ZNF266: variants seen among roughly 807,000 people sequenced by gnomAD.
The protein encoded by ZNF266 is zinc finger protein 266.
In ZNF266, 16 loss-of-function variants were observed where a neutral mutation model predicts 16.4. The ratio of observed to expected loss-of-function variants is 0.98; its 90% CI spans 0.66 to 1.48. The LOEUF (loss-of-function observed/expected upper bound fraction) is 1.48, where lower values mean the gene tolerates loss of function less well. ZNF266 is among the 40% of genes most tolerant of loss of function. The pLI is 0.00. For missense variants in ZNF266, 738 were observed against 689.1 expected (o/e 1.07, Z -0.79); for synonymous variants, 262 against 237.9 (o/e 1.10, Z -0.93).
intron 5 of ZNF266, among the ~76,000 whole-genome samples, chr19:9,428,199 G>A (rs909724517): frequency 2.0e-5 from 3 of 152,280 alleles, no homozygotes; most frequent in African/African-American, 7.2e-5. Flanking sequence ...TCACAGACCT[G>A]AGCCTGTGAT....
chr19:9,430,232 T>C (rs2123432396), intron 5 of ZNF266, among the ~76,000 whole-genome samples: 1 of 152,272 alleles, frequency 6.6e-6, no homozygotes, highest in East Asian at 1.9e-4. Context: ...TCAACTGCCT[T>C]CGTTCTCGCT....
In ZNF266 at chr19:9,416,068, C is replaced by T. The variant is rs142228138; in HGVS notation, c.317-326G>A. ...CAAACTCCTGACCTCGTGATCCACA[C>T]GCCTCAGCCCCTCAAAGTGCTGGGA... On this transcript the variant is annotated intron_variant, in intron 9 of 10. Transcript: ENST00000592904. Among the ~76,000 whole-genome samples the T allele has an allele frequency of 3.9e-3, 587 of 152,266 alleles. 4 individuals are homozygous for T. Among genetic ancestry groups the T allele is most frequent in the African/African-American group, 0.013 (544 of 41,534 alleles).
In ZNF266 at chr19:9,414,038, TA is replaced by T. The variant is rs1463533246; in HGVS notation, c.1087del (p.Tyr363MetfsTer8). The T allele has an allele frequency of 1.9e-6, 3 of 1,614,036 alleles. No individual in the cohort carries two copies. The highest frequency in any genetic ancestry group is 2.7e-5 in the African/African-American group (2 of 74,936). ...GGCTATCCCACATTCCTTGCATTCA[TA>T]AGGCTTCTCACCCACATGGATTTTC... Reference protein sequence around the residue: ...HMKIHVGEKPYECKECGIAFT... With the variant: ...HMKIHVGEKPXECKECGIAFT... On this transcript the variant is annotated frameshift_variant, in exon 11 of 11. Coordinates refer to ENST00000592904, the MANE Select transcript of ZNF266 (RefSeq NM_001370374.1). LOFTEE classifies it low-confidence loss of function (END_TRUNC).
intron 5 of ZNF266, among the ~76,000 whole-genome samples, chr19:9,421,222 T>A (rs1304400336): frequency 6.6e-6 from 1 of 152,132 alleles, no homozygotes; most frequent in Non-Finnish European, 1.5e-5. Flanking sequence ...CAGCCTTTAT[T>A]CTATGAATGA....
intron 3 of ZNF266, among the ~76,000 whole-genome samples, chr19:9,434,476 A>T (rs2072144473): frequency 6.6e-6 from 1 of 152,218 alleles, no homozygotes; most frequent in Admixed American, 6.5e-5. Flanking sequence ...CACAGAATAC[A>T]ATCAGAACTA....
chr19:9,414,101 C>T lies in ZNF266; in HGVS notation c.1025G>A (p.Arg342Lys). Residue 342 changes from arginine to lysine, a missense_variant, in exon 11 of 11, where the codon AGA (arginine) becomes AAA (lysine). Physicochemically the swap from Arg to Lys is conservative, Grantham distance 26. Transcript: ENST00000592904. ...EKPYKCKDCG[R>K]AFTVSSCLSQ... ...TAAGCAAGAGGAAACAGTGAAGGCTCTCCCACAATCCTTACATTTATAAGG... is the reference window on the plus strand; with the variant it reads ...TAAGCAAGAGGAAACAGTGAAGGCTTTCCCACAATCCTTACATTTATAAGG... 1 of 1,612,638 alleles carries T rather than the reference C, an allele frequency of 6.2e-7. No individual in the cohort carries two copies. Among genetic ancestry groups the T allele is most frequent in the Non-Finnish European group, 8.5e-7 (1 of 1,179,564 alleles).
intron 5 of ZNF266, among the ~76,000 whole-genome samples, chr19:9,421,793 A>G (rs1384752723): frequency 6.6e-6 from 1 of 152,082 alleles, no homozygotes; most frequent in African/African-American, 2.4e-5. Context: ...TTGTAACAAC[A>G]TTACTGGGTA....
At chr19:9,433,453 AAAAACAACGAGAGAAG>A (rs1454994881) in intron 5 of ZNF266, among the ~76,000 whole-genome samples, 199 bp downstream of exon 5, 2 of 152,236 alleles carry the variant, frequency 1.3e-5, no homozygotes, top group African/African-American at 2.4e-5. Context: ...GTGAATTGAA[AAAAACAACGAGAGAAG>A]TTTTGTCTGT....
chr19:9,417,916 CAAAG>C lies in ZNF266; in HGVS notation c.236-12_236-9del. Reference sequence around the variant, plus strand: ...GTTTGAAGAGCTGATATCCTGTGCACAAAGAAAGATACATTACCAGAAGAGGCTC... The same window carrying C: ...GTTTGAAGAGCTGATATCCTGTGCACAAAGATACATTACCAGAAGAGGCTC... On this transcript the variant is annotated splice_polypyrimidine_tract_variant and intron_variant, in intron 8 of 10. Coordinates refer to ENST00000592904, the MANE Select transcript of ZNF266 (RefSeq NM_001370374.1). 1.2e-6 allele frequency: 2 copies of C among 1,613,448 alleles called. No homozygotes were observed. Among genetic ancestry groups the C allele is most frequent in the Non-Finnish European group, 1.7e-6 (2 of 1,179,568 alleles).
intron 5 of ZNF266, among the ~76,000 whole-genome samples, chr19:9,423,721 C>T (rs771585983): frequency 7.2e-5 from 11 of 152,180 alleles, no homozygotes; most frequent in Admixed American, 3.3e-4. Context: ...GTAGGCCAGG[C>T]GCGGTGGCTC....
In ZNF266 at chr19:9,413,841, T is replaced by G; in HGVS notation, c.1285A>C (p.Thr429Pro). Residue 429 changes from threonine to proline, a missense_variant, in exon 11 of 11, where the codon ACT (threonine) becomes CCT (proline). Physicochemically the swap from Thr to Pro is conservative, Grantham distance 38. Transcript: ENST00000592904. ...TGCTTAGTAAGGTCTGAGTTCTGAGTGAAGGCTTTCCCACAATCCTTACAT... is the reference window on the plus strand; with the variant it reads ...TGCTTAGTAAGGTCTGAGTTCTGAGGGAAGGCTTTCCCACAATCCTTACAT... ...YKCKDCGKAF[T>P]QNSDLTKHAR... The G allele has an allele frequency of 6.2e-7, 1 of 1,614,116 alleles. No homozygotes were observed. The highest frequency in any genetic ancestry group is 8.5e-7 in the Non-Finnish European group (1 of 1,179,986).
At chr19:9,419,574 C>G (rs1331986535) in intron 6 of ZNF266, 2 of 152,254 alleles carry the variant, frequency 1.3e-5, no homozygotes, top group African/African-American at 4.8e-5. Flanking sequence ...AGACACAGCA[C>G]CTCTTCCCAA....
In ZNF266 at chr19:9,426,346, G is replaced by C. The variant is rs78891891; in HGVS notation, c.-129-6128C>G. Among the ~76,000 whole-genome samples, 398 of 152,182 alleles carry C rather than the reference G, an allele frequency of 2.6e-3. 2 individuals are homozygous for C. Among genetic ancestry groups the C allele is most frequent in the South Asian group, 0.011 (55 of 4,814 alleles). ...AGATTTTACTTAGAAGAAAAAAATA[G>C]AGGGAAAGAAACTGATTGTCTTGAG... On this transcript the variant is annotated intron_variant, in intron 5 of 10. Transcript: ENST00000592904.
In ZNF266 at chr19:9,414,275, C is replaced by A. The variant is rs1425595003; in HGVS notation, c.851G>T (p.Cys284Phe). The A allele has an allele frequency of 1.9e-6, 3 of 1,614,038 alleles. No homozygotes were observed. The highest frequency in any genetic ancestry group is 4.5e-5 in the East Asian group (2 of 44,890). Reference protein sequence around the residue: ...RSEKPYKCKECGKGFRYSAYL... With the variant: ...RSEKPYKCKEFGKGFRYSAYL... ...TGCAGAATATCTAAATCCTTTTCCA[C>A]ATTCCTTACATTTGTAGGGTTTTTC... The change falls in exon 11 of 11, where the codon TGT becomes TTT. Residue 284 changes from cysteine (C) to phenylalanine (F), a missense_variant. Transcript: ENST00000592904.
At chr19:9,432,791 A>ACTC (rs1555765026) in intron 5 of ZNF266, among the ~76,000 whole-genome samples, 1 of 151,444 alleles carries the variant, frequency 6.6e-6, no homozygotes, top group Non-Finnish European at 1.5e-5. Context: ...TGGTGGGTTA[A>ACTC]AACAAATAAA....
intron 6 of ZNF266, 165 bp downstream of exon 6, chr19:9,419,900 C>CAAAAAAAA (rs1218476753): frequency 1.3e-5 from 1 of 75,146 alleles, no homozygotes; most frequent in African/African-American, 4.8e-5. Flanking sequence ...GACTCTGTCT[C>CAAAAAAAA]AAAAAAAAAA....
chr19:9,416,664 T>A lies in ZNF266; in HGVS notation c.317-922A>T, dbSNP rs1289805818. On this transcript the variant is annotated intron_variant, in intron 9 of 10. Coordinates refer to ENST00000592904, the MANE Select transcript of ZNF266 (RefSeq NM_001370374.1). Reference sequence around the variant, plus strand: ...CAGACGTGAGCCACCGTGCCAGGCCTTTTTTTTTTTTTTTTTTTTTTTTTT... The same window carrying A: ...CAGACGTGAGCCACCGTGCCAGGCCATTTTTTTTTTTTTTTTTTTTTTTTT... Among the ~76,000 whole-genome samples, 7 of 25,312 alleles carry A rather than the reference T, an allele frequency of 2.8e-4. No individual in the cohort carries two copies. The East Asian group carries it at 5.4e-3, about 20-fold the overall frequency. The allele number at this position is 25,312 out of a possible 152,430, so 16.6% of individuals were successfully genotyped here.
At chr19:9,428,994 A>C (rs1234837338) in intron 5 of ZNF266, among the ~76,000 whole-genome samples, 2 of 152,010 alleles carry the variant, frequency 1.3e-5, no homozygotes, top group East Asian at 3.9e-4. Context: ...TCGGCCTCCC[A>C]AACTCCTGGG....
intron 5 of ZNF266, among the ~76,000 whole-genome samples, chr19:9,427,609 G>C (rs1378602844): frequency 6.6e-6 from 1 of 152,124 alleles, no homozygotes; most frequent in Non-Finnish European, 1.5e-5. Context: ...TTACAGGTGT[G>C]AGCCACCACA....
Sources: gnomAD v4.1 joint callset for allele counts (sites outside exome capture counted in the v4.1 genomes callset) on GRCh38, gnomAD v4.1.1 for gene constraint, MANE v1.5 for transcripts, NCBI Gene and HGNC (gene_info 2026-07-23, HGNC 2026-07-21) for gene names.